RSRC1: variants seen among roughly 807,000 people sequenced by gnomAD.
The protein encoded by RSRC1 is serine/Arginine-related protein 53.
RSRC1 carries 39 observed loss-of-function variants against 49.1 expected under a neutral mutation model. That is an observed-to-expected ratio of 0.79 (90% CI 0.61 to 1.04). The LOEUF is 1.04. RSRC1 is among the 50% of genes least tolerant of loss of function. The probability of loss-of-function intolerance (pLI) is 0.00; values close to 1 mark genes in which losing one functional copy is unlikely to be tolerated. For synonymous variants in RSRC1, 143 were observed against 130.8 expected, an observed-to-expected ratio of 1.09 and a Z score of -0.63; for missense variants, 388 against 402.4, an observed-to-expected ratio of 0.96 and a Z score of 0.31.
chr3:158,201,690 A>AT (rs1242333567), intron 3 of RSRC1, among the ~76,000 whole-genome samples: 2 of 151,838 alleles, frequency 1.3e-5, no homozygotes, highest in African/African-American at 4.8e-5. Context: ...CAATTACAGA[A>AT]TTTTTTTTCG....
chr3:158,215,854 T>C (rs1721918124), intron 4 of RSRC1, among the ~76,000 whole-genome samples: 1 of 151,804 alleles, frequency 6.6e-6, no homozygotes, highest in Non-Finnish European at 1.5e-5. Flanking sequence ...ATGAGGAGAT[T>C]ATGTTTTACT....
intron 6 of RSRC1, among the ~76,000 whole-genome samples, chr3:158,356,469 G>A (rs1276434846): frequency 6.6e-6 from 1 of 151,942 alleles, no homozygotes; most frequent in Non-Finnish European, 1.5e-5. Context: ...AAAAAGATTG[G>A]CAATGTTTTA....
At chr3:158,255,426 C>G (rs7636974) in intron 4 of RSRC1, among the ~76,000 whole-genome samples, 72,361 of 151,912 alleles carry the variant, frequency 0.48, 17,789 homozygotes, top group East Asian at 0.64. Context: ...TGGTCTATAT[C>G]TCTGTTTTGG....
intron 3 of RSRC1, among the ~76,000 whole-genome samples, chr3:158,202,185 T>G (rs1403961332): frequency 6.6e-6 from 1 of 152,094 alleles, no homozygotes; most frequent in Non-Finnish European, 1.5e-5. Flanking sequence ...CAGCTAATTT[T>G]TATATTTTTA....
chr3:158,409,035 T>G (rs1249639786), intron 6 of RSRC1, among the ~76,000 whole-genome samples: 1 of 151,282 alleles, frequency 6.6e-6, no homozygotes, highest in African/African-American at 2.4e-5. Context: ...TCCGTCTGAA[T>G]AATAATAATA....
intron 7 of RSRC1, among the ~76,000 whole-genome samples, chr3:158,533,858 A>G (rs990228997): frequency 3.3e-5 from 5 of 151,686 alleles, no homozygotes; most frequent in African/African-American, 1.2e-4. Flanking sequence ...TGTAATTAAT[A>G]AAAAATTTAT....
At chr3:158,537,014 TAGAA>T (rs1240051558) in intron 7 of RSRC1, 74 bp from the exon 8 acceptor site, 43 of 851,034 alleles carry the variant, frequency 5.1e-5, no homozygotes, top group Non-Finnish European at 7.0e-5. Flanking sequence ...AATTTCTTCA[TAGAA>T]AGAACATTGC....
chr3:158,493,079 C>T (rs181801436), intron 7 of RSRC1, among the ~76,000 whole-genome samples: 1 of 152,220 alleles, frequency 6.6e-6, no homozygotes, highest in Non-Finnish European at 1.5e-5. Context: ...ATTAACTCTA[C>T]TGGAGGGGGA....
At chr3:158,343,268 G>T (rs1284893009) in intron 5 of RSRC1, among the ~76,000 whole-genome samples, 1 of 152,140 alleles carries the variant, frequency 6.6e-6, no homozygotes, top group East Asian at 1.9e-4. Context: ...TTGTGGTCCT[G>T]CCTAACAAAG....
chr3:158,393,164 A>G (rs1342318393), intron 6 of RSRC1, among the ~76,000 whole-genome samples: 2 of 152,154 alleles, frequency 1.3e-5, no homozygotes, highest in Non-Finnish European at 2.9e-5. Flanking sequence ...ACATAGCTAA[A>G]TCAGTGTTAA....
At chr3:158,314,888 C>T (rs937921380) in intron 5 of RSRC1, among the ~76,000 whole-genome samples, 6 of 151,936 alleles carry the variant, frequency 3.9e-5, no homozygotes, top group Admixed American at 3.9e-4. Context: ...AAAAATCAGC[C>T]GAGCGTGGTG....
chr3:158,388,824 T>TGG (rs1733108357), intron 6 of RSRC1, among the ~76,000 whole-genome samples: 2 of 152,120 alleles, frequency 1.3e-5, no homozygotes, highest in South Asian at 4.1e-4. Flanking sequence ...TTGGCCAGGA[T>TGG]GGTCTCGATC....
chr3:158,406,434 C>T (rs948088964), intron 6 of RSRC1, among the ~76,000 whole-genome samples: 17 of 152,102 alleles, frequency 1.1e-4, no homozygotes, highest in African/African-American at 3.9e-4. Flanking sequence ...GTTCATTTTG[C>T]ATGTTATTTA....
At chr3:158,501,815 A>G (rs1447584465) in intron 7 of RSRC1, among the ~76,000 whole-genome samples, 1 of 152,166 alleles carries the variant, frequency 6.6e-6, no homozygotes, top group African/African-American at 2.4e-5. Context: ...GCGGTTCTGT[A>G]TCTTCTAAGT....
chr3:158,135,350 A>G (rs983650180), intron 3 of RSRC1, among the ~76,000 whole-genome samples: 1 of 151,156 alleles, frequency 6.6e-6, no homozygotes, highest in African/African-American at 2.4e-5. Context: ...GCTCACTACA[A>G]CCTTCATCTC....
At chr3:158,527,276 A>T (rs1576608947) in intron 7 of RSRC1, among the ~76,000 whole-genome samples, 1 of 151,772 alleles carries the variant, frequency 6.6e-6, no homozygotes, top group Non-Finnish European at 1.5e-5. Flanking sequence ...CCATACATGT[A>T]CCCTTTCTCT....
At chr3:158,322,207 T>G (rs1056320216) in intron 5 of RSRC1, among the ~76,000 whole-genome samples, 1 of 152,192 alleles carries the variant, frequency 6.6e-6, no homozygotes, top group South Asian at 2.1e-4. Flanking sequence ...TGTTTATTTT[T>G]GTTGGATATA....
intron 5 of RSRC1, among the ~76,000 whole-genome samples, chr3:158,311,795 AC>A (rs1728145080): frequency 6.6e-6 from 1 of 152,154 alleles, no homozygotes; most frequent in Non-Finnish European, 1.5e-5. Context: ...CACAGTGTAT[AC>A]ATATATCAAA....
intron 6 of RSRC1, among the ~76,000 whole-genome samples, chr3:158,396,179 G>C (rs1208600639): frequency 6.6e-6 from 1 of 152,024 alleles, no homozygotes; most frequent in Non-Finnish European, 1.5e-5. Context: ...GCAGACACCA[G>C]GGCCTACTTA....
Sources: gnomAD v4.1 joint callset for allele counts (sites outside exome capture counted in the v4.1 genomes callset) on GRCh38, gnomAD v4.1.1 for gene constraint, MANE v1.5 for transcripts, NCBI Gene and HGNC (gene_info 2026-07-23, HGNC 2026-07-21) for gene names.